ZFP90: variants seen among roughly 807,000 people sequenced by gnomAD.
ZFP90 encodes the protein ZFP90 zinc finger protein.
Under a neutral mutation model 60.8 loss-of-function variants are expected in ZFP90, and 38 were observed. The ratio of observed to expected loss-of-function variants is 0.62; its 90% confidence interval spans 0.48 to 0.82. The LOEUF is 0.82. Ranked by LOEUF, ZFP90 falls within the 40% of genes least tolerant of loss-of-function variation. The pLI, the probability that ZFP90 is intolerant of heterozygous loss-of-function variation, is 0.00. For synonymous variants in ZFP90, 287 were observed against 264.8 expected (o/e 1.08, Z -0.82); for missense variants, 711 against 759.1 (o/e 0.94, Z 0.74).
intron 2 of ZFP90, among the ~76,000 whole-genome samples, chr16:68,554,788 T>TTA (rs1183096234): frequency 6.6e-6 from 1 of 152,054 alleles, no homozygotes; most frequent in Non-Finnish European, 1.5e-5. Context: ...CCCATCTCTA[T>TTA]TAAACAAAAT....
At position 68,539,445 on chromosome 16, in the gene ZFP90, C is replaced by A. The variant is rs916979214; in HGVS notation, c.-70C>A. ...GAGGCTCTGGGTGGGCCGGAGGTCG[C>A]GAAATCCGGAGCCCCCCAGAGGCGG... On this transcript the variant is annotated 5_prime_UTR_variant, in exon 1 of 5. Coordinates refer to ENST00000563169, the MANE Select transcript of ZFP90 (RefSeq NM_001305203.2). 2.8e-6 allele frequency: 1 copy of A among 359,196 alleles called. No homozygotes were observed. The highest frequency in any genetic ancestry group is 5.0e-6 in the Non-Finnish European group (1 of 198,858). 22.3% of individuals were successfully genotyped at this position (359,196 alleles called of 1,614,324 possible). A position where few individuals can be genotyped will look rare whatever the true frequency, so the allele number is the denominator to read the frequency against.
intron 3 of ZFP90, 173 bp from the exon 4 acceptor site, chr16:68,558,300 G>T (rs2091380385): frequency 8.4e-6 from 10 of 1,194,420 alleles, no homozygotes; most frequent in Middle Eastern, 1.9e-4. Flanking sequence ...TAGGTAAAAG[G>T]TCTTTATTTT....
intron 3 of ZFP90, 93 bp from the exon 4 acceptor site, chr16:68,558,380 C>T: frequency 7.9e-7 from 1 of 1,268,776 alleles, no homozygotes; most frequent in Non-Finnish European, 1.1e-6. Context: ...TTCAGAGTTC[C>T]TGAGGATCAA....
intron 2 of ZFP90, among the ~76,000 whole-genome samples, chr16:68,572,827 G>A (rs74026916): frequency 0.034 from 5,197 of 152,328 alleles, 278 homozygotes; most frequent in African/African-American, 0.12. Context: ...GTGGAAGGTG[G>A]TAAAGGATCG....
Position 68,539,752 on chromosome 16 carries a change from C to A in ZFP90, c.-35-6C>A, listed in dbSNP as rs560033003. On this transcript the variant is annotated splice_polypyrimidine_tract_variant and splice_region_variant and intron_variant, in intron 1 of 4. Transcript: ENST00000563169. ...GGGGTGAGTGGGCCCTGTCCTTTCT[C>A]CCCAGCTCCTGCCCCGGAGCCGGGC... 1 of 1,554,072 alleles carries A rather than the reference C, an allele frequency of 6.4e-7. No individual in the cohort carries two copies. Among genetic ancestry groups the A allele is most frequent in the South Asian group, 1.2e-5 (1 of 84,724 alleles).
chr16:68,550,235 A>G (rs572353217), intron 2 of ZFP90, among the ~76,000 whole-genome samples: 29 of 152,196 alleles, frequency 1.9e-4, no homozygotes, highest in African/African-American at 6.7e-4. Flanking sequence ...TTGATAGTAA[A>G]TCTTTGAAAT....
At chr16:68,543,600 C>T (rs1310554962) in intron 2 of ZFP90, among the ~76,000 whole-genome samples, 23 of 150,074 alleles carry the variant, frequency 1.5e-4, no homozygotes, top group Non-Finnish European at 2.4e-4. Context: ...CTTGCTCTGT[C>T]GCCAGGCTAG....
At chr16:68,545,972 C>T (rs2091143225) in intron 2 of ZFP90, among the ~76,000 whole-genome samples, 1 of 151,908 alleles carries the variant, frequency 6.6e-6, no homozygotes, top group African/African-American at 2.4e-5. Flanking sequence ...CCCAGGAGTT[C>T]GAAACCAACC....
At chr16:68,554,325 T>C (rs1363134620) in intron 2 of ZFP90, among the ~76,000 whole-genome samples, 2 of 151,904 alleles carry the variant, frequency 1.3e-5, no homozygotes, top group Non-Finnish European at 2.9e-5. Flanking sequence ...TCATTCCGCT[T>C]TCCCAAAGAG....
chr16:68,540,678 A>C (rs1255006936), intron 2 of ZFP90, among the ~76,000 whole-genome samples: 1 of 152,062 alleles, frequency 6.6e-6, no homozygotes, highest in Admixed American at 6.6e-5. Flanking sequence ...AATTCAAATA[A>C]AAATACCAAG....
chr16:68,572,325 G>A (rs2091572962), intron 2 of ZFP90, among the ~76,000 whole-genome samples: 1 of 152,192 alleles, frequency 6.6e-6, no homozygotes, highest in East Asian at 1.9e-4. Flanking sequence ...TAATTAATGG[G>A]GCTTTTATTT....
At chr16:68,545,381 A>T (rs1200344145) in intron 2 of ZFP90, among the ~76,000 whole-genome samples, 1 of 152,214 alleles carries the variant, frequency 6.6e-6, no homozygotes, top group Non-Finnish European at 1.5e-5. Flanking sequence ...CTACTAATAT[A>T]GCACAAATTA....
chr16:68,538,885 T>C (rs181262282), upstream of ZFP90, among the ~76,000 whole-genome samples: 8 of 152,300 alleles, frequency 5.3e-5, no homozygotes, highest in East Asian at 1.5e-3. Flanking sequence ...AATTGCCTTT[T>C]GAAGAAGATG....
chr16:68,549,868 G>A (rs1449948584), intron 2 of ZFP90, among the ~76,000 whole-genome samples: 1 of 151,960 alleles, frequency 6.6e-6, no homozygotes, highest in African/African-American at 2.4e-5. Flanking sequence ...TGGAACTGAG[G>A]GAAGAAAGTA....
intron 2 of ZFP90, among the ~76,000 whole-genome samples, chr16:68,541,390 T>TC (rs2091046778): frequency 6.6e-6 from 1 of 151,966 alleles, no homozygotes; most frequent in South Asian, 2.1e-4. Context: ...GGATTTGAAT[T>TC]CCTAAGCTCA....
intron 2 of ZFP90, among the ~76,000 whole-genome samples, chr16:68,573,514 C>G (rs1193870569): frequency 6.6e-6 from 1 of 152,156 alleles, no homozygotes; most frequent in Non-Finnish European, 1.5e-5. Flanking sequence ...TATGGTCAGA[C>G]TAAGTTTCAA....
intron 2 of ZFP90, among the ~76,000 whole-genome samples, chr16:68,545,322 A>G (rs879935075): frequency 2.0e-5 from 3 of 152,166 alleles, no homozygotes; most frequent in Admixed American, 6.5e-5. Flanking sequence ...ACGAGGTAAC[A>G]TGATCATTCA....
intron 2 of ZFP90, among the ~76,000 whole-genome samples, chr16:68,548,317 A>G (rs552556493): frequency 2.0e-5 from 3 of 152,158 alleles, no homozygotes; most frequent in Admixed American, 6.5e-5. Flanking sequence ...TATAGACAAG[A>G]TGTTTTGGCA....
rs2091532744 is a variant in ZFP90, at chr16:68,566,646, C to T, written c.*1948C>T. 1.0e-6 allele frequency: 1 copy of T among 985,400 alleles called. No individual in the cohort carries two copies. Among genetic ancestry groups the T allele is most frequent in the Non-Finnish European group, 1.2e-6 (1 of 829,950 alleles). The allele number at this position is 985,400 out of a possible 1,614,324, so 61.0% of individuals were successfully genotyped here. On this transcript the variant is annotated 3_prime_UTR_variant, in exon 5 of 5. Transcript: ENST00000563169. Reference sequence around the variant, plus strand: ...CCAAAACACCTTGTTTATGGTGCACCATGATTAGCTCACACACAATGCCAA... The same window carrying T: ...CCAAAACACCTTGTTTATGGTGCACTATGATTAGCTCACACACAATGCCAA...
Sources: allele counts gnomAD v4.1 joint callset (sites outside exome capture counted in the v4.1 genomes callset), GRCh38; gene constraint gnomAD v4.1.1; transcripts MANE v1.5; gene names NCBI Gene and HGNC (gene_info 2026-07-23, HGNC 2026-07-21).